The following CHEK1 variants were observed in gnomAD, a reference collection of about 807,000 sequenced individuals.
The protein encoded by CHEK1 is serine/threonine-protein kinase Chk1.
In CHEK1, 32 loss-of-function variants were observed where a neutral mutation model predicts 60.2. The observed-to-expected ratio is 0.53, with a 90% CI of 0.40 to 0.71. The LOEUF is 0.71. CHEK1 is among the 30% of genes least tolerant of loss of function. The probability of loss-of-function intolerance (pLI) is 0.00; values close to 1 mark genes in which losing one functional copy is unlikely to be tolerated. For synonymous variants in CHEK1, 179 were observed against 187.2 expected (o/e 0.96, Z 0.36); for missense variants, 399 against 564.6 (o/e 0.71, Z 2.97).
downstream of CHEK1, among the ~76,000 whole-genome samples, chr11:125,658,477 A>G (rs765111471): frequency 5.3e-5 from 8 of 151,930 alleles, no homozygotes; most frequent in Non-Finnish European, 1.2e-4. Context: ...TCCTTTGTCA[A>G]TTTACATGTA....
chr11:125,672,743 G>C (rs1942262682), intron 13 of CHEK1: 1 of 1,612,840 alleles, frequency 6.2e-7, no homozygotes, highest in African/African-American at 1.3e-5. Flanking sequence ...ACAGACTAGT[G>C]AGCAGAAAGC....
intron 1 of CHEK1, chr11:125,626,442 C>A: frequency 2.2e-6 from 1 of 458,182 alleles, no homozygotes; most frequent in Non-Finnish European, 3.9e-6. Context: ...TCCTCCTTCC[C>A]CAGTCGTTCG....
downstream of CHEK1, among the ~76,000 whole-genome samples, chr11:125,678,611 G>T (rs1327578303): frequency 6.6e-6 from 1 of 152,002 alleles, no homozygotes; most frequent in African/African-American, 2.4e-5. Context: ...GAAAATGAAT[G>T]TGCCTCCCTG....
chr11:125,647,921 A>G (rs528685502), intron 11 of CHEK1, among the ~76,000 whole-genome samples: 1 of 152,308 alleles, frequency 6.6e-6, no homozygotes, highest in African/African-American at 2.4e-5. Context: ...AAAGTTTTGG[A>G]GTTTGGAACA....
rs530750180 is a variant in CHEK1, at chr11:125,633,022, G to A, written c.425-141G>A. ...ATTTTATTTTTTTAAATTTCTTTTTGTCTATTTTGCTTATTTTAAGAGAAG... is the reference window on the plus strand; with the variant it reads ...ATTTTATTTTTTTAAATTTCTTTTTATCTATTTTGCTTATTTTAAGAGAAG... On this transcript the variant is annotated intron_variant, in intron 5 of 12. Coordinates refer to ENST00000438015, the MANE Select transcript of CHEK1 (RefSeq NM_001114122.3). 17 of 629,690 alleles carry A rather than the reference G, an allele frequency of 2.7e-5. No homozygotes were observed. In the East Asian group the frequency reaches 5.3e-4, roughly 20 times the overall value. 39.0% of individuals were successfully genotyped at this position (629,690 alleles called of 1,614,324 possible). A position where few individuals can be genotyped will look rare whatever the true frequency, so the allele number is the denominator to read the frequency against.
At chr11:125,648,101 C>A (rs937398649) in intron 11 of CHEK1, among the ~76,000 whole-genome samples, 3 of 88,466 alleles carry the variant, frequency 3.4e-5, no homozygotes, top group African/African-American at 1.2e-4. Flanking sequence ...TAAATGTAAT[C>A]CTGTTTATTC....
intron 13 of CHEK1, among the ~76,000 whole-genome samples, chr11:125,667,538 T>C (rs1942121929): frequency 6.6e-6 from 1 of 152,188 alleles, no homozygotes. Flanking sequence ...ATATCATCAG[T>C]AAAGAGAGAG....
At chr11:125,632,621 TTCTGA>T (rs1336278854) in intron 5 of CHEK1, among the ~76,000 whole-genome samples, 2 of 152,232 alleles carry the variant, frequency 1.3e-5, no homozygotes, top group Non-Finnish European at 2.9e-5. Flanking sequence ...AAGTTGGGTC[TTCTGA>T]TATTTTTTTT....
rs1362876117 is a variant in CHEK1, at chr11:125,625,609, G to A, written c.-424G>A. 3.4e-6 allele frequency: 2 copies of A among 595,460 alleles called. No individual in the cohort carries two copies. The highest frequency in any genetic ancestry group is 3.0e-5 in the Admixed American group (1 of 33,888). The allele number at this position is 595,460 out of a possible 1,614,324, so 36.9% of individuals were successfully genotyped here. A position where few individuals can be genotyped will look rare whatever the true frequency, so the allele number is the denominator to read the frequency against. On this transcript the variant is annotated 5_prime_UTR_variant, in exon 1 of 13. Coordinates refer to ENST00000438015, the MANE Select transcript of CHEK1 (RefSeq NM_001114122.3). ...CAGGCCCAGAGCGGCCAGGAGCGAAGCCCGCAGCCCCGCCTGGAAGCGCAG... is the reference window on the plus strand; with the variant it reads ...CAGGCCCAGAGCGGCCAGGAGCGAAACCCGCAGCCCCGCCTGGAAGCGCAG...
chr11:125,633,486 T>G, intron 6 of CHEK1, 135 bp downstream of exon 6: 1 of 711,736 alleles, frequency 1.4e-6, no homozygotes, highest in Non-Finnish European at 2.1e-6. Context: ...GGTCTCACTC[T>G]TGGCCAGACT....
intron 11 of CHEK1, among the ~76,000 whole-genome samples, chr11:125,648,450 C>T (rs500450): frequency 0.91 from 137,767 of 151,850 alleles, 62,658 homozygotes; most frequent in African/African-American, 0.98. Context: ...GGCGTGGTTG[C>T]GGGCACCGGT....
downstream of CHEK1, among the ~76,000 whole-genome samples, chr11:125,661,957 G>C (rs138808824): frequency 6.6e-6 from 1 of 152,156 alleles, no homozygotes; most frequent in African/African-American, 2.4e-5. Flanking sequence ...ATAATATAAC[G>C]AGGATATTGG....
downstream of CHEK1, chr11:125,677,821 C>T: frequency 6.2e-7 from 1 of 1,614,188 alleles, no homozygotes; most frequent in Non-Finnish European, 8.5e-7. Flanking sequence ...GAAATTGGTG[C>T]ACCTGAAGCC....
chr11:125,643,768 A>G (rs777571813), intron 8 of CHEK1, 24 bp from the exon 9 acceptor site: 7 of 1,584,170 alleles, frequency 4.4e-6, no homozygotes, highest in South Asian at 3.4e-5. Flanking sequence ...ACTTGAAAGC[A>G]TTTGTATTTG....
downstream of CHEK1, among the ~76,000 whole-genome samples, chr11:125,679,216 C>CTTTTTTTTTTTTTTTTTTTTTTTTTTT (rs71045115): frequency 1.7e-4 from 20 of 121,036 alleles, 1 homozygote; most frequent in African/African-American, 5.7e-4. Context: ...CCGTCTCTTT[C>CTTTTTTTTTTTTTTTTTTTTTTTTTTT]TTTTTTTTTT....
At chr11:125,678,154 T>A, downstream of CHEK1, 2 of 1,614,164 alleles carry the variant, frequency 1.2e-6, no homozygotes, top group Admixed American at 1.7e-5. Flanking sequence ...CCATGCTCAC[T>A]TAAAGTGTTC....
chr11:125,654,669 A>C (rs1941850624), intron 12 of CHEK1, among the ~76,000 whole-genome samples: 1 of 152,056 alleles, frequency 6.6e-6, no homozygotes, highest in Non-Finnish European at 1.5e-5. Context: ...ATTTTCTGAG[A>C]GATTGTATGT....
At chr11:125,626,303 C>T in intron 1 of CHEK1, 1 of 481,812 alleles carries the variant, frequency 2.1e-6, no homozygotes, top group African/African-American at 1.9e-5. Context: ...GCCTTTGGGA[C>T]GGGTGGGGCT....
chr11:125,645,699 TTGAAG>T lies in CHEK1; in HGVS notation c.1233+1065_1233+1069del, dbSNP rs1297709300. On this transcript the variant is annotated intron_variant, in intron 11 of 12. Transcript: ENST00000438015. ...AAGGAGAACAAGTGTCAAAGCAAAG[TTGAAG>T]TGAAGTGATATTTTCATTCAGCTTA... 1.4e-4 allele frequency among the ~76,000 whole-genome samples: 22 copies of T among 152,270 alleles called. 1 individual carries two copies. Among genetic ancestry groups the T allele is most frequent in the African/African-American group, 5.3e-4 (22 of 41,552 alleles).
Sources: allele counts gnomAD v4.1 joint callset (sites outside exome capture counted in the v4.1 genomes callset), GRCh38; gene constraint gnomAD v4.1.1; transcripts MANE v1.5; gene names NCBI Gene and HGNC (gene_info 2026-07-23, HGNC 2026-07-21).